ITPKB: variants seen among roughly 807,000 people sequenced by gnomAD.
ITPKB encodes the protein inositol-trisphosphate 3-kinase B.
ITPKB carries 13 observed loss-of-function variants against 69.4 expected under a neutral mutation model. The ratio of observed to expected loss-of-function variants is 0.19; its 90% CI spans 0.12 to 0.30. ITPKB has a LOEUF of 0.30. Among genes scored for constraint, ITPKB ranks in the 10% least tolerant of loss-of-function variants. The probability of loss-of-function intolerance (pLI) is 1.00; values close to 1 mark genes in which losing one functional copy is unlikely to be tolerated. For synonymous variants in ITPKB, 584 were observed against 513.7 expected, an observed-to-expected ratio of 1.14 and a Z score of -1.85; for missense variants, 1,240 against 1,250.5, an observed-to-expected ratio of 0.99 and a Z score of 0.13.
intron 7 of ITPKB, among the ~76,000 whole-genome samples, chr1:226,636,795 A>AGT (rs1668849264): frequency 8.8e-6 from 1 of 113,954 alleles, no homozygotes; most frequent in Non-Finnish European, 1.8e-5. Flanking sequence ...TGTGTGTGTG[A>AGT]GACTGGGAAA....
chr1:226,737,007 T>C lies in ITPKB; in HGVS notation c.452A>G (p.Glu151Gly). 1 of 1,612,810 alleles carries C rather than the reference T, an allele frequency of 6.2e-7. No homozygotes were observed. The highest frequency in any genetic ancestry group is 8.5e-7 in the Non-Finnish European group (1 of 1,179,930). Residue 151 changes from glutamate (E) to glycine (G), a missense_variant, in exon 2 of 8, where the codon GAG becomes GGG. Glu to Gly is a moderately conservative substitution (Grantham distance 98). Around this residue, in one of 2 missense-constraint regions of ITPKB, gnomAD observed 992 missense variants for 853.8 expected, o/e 1.16. Coordinates refer to ENST00000429204, the MANE Select transcript of ITPKB (RefSeq NM_002221.4). ...VQVNQKVGMF[E>G]AHIQAQSSAI... ...GGAGCTCTGTGCCTGGATGTGCGCC[T>C]CAAACATGCCCACTTTCTGGTTCAC...
intron 2 of ITPKB, among the ~76,000 whole-genome samples, chr1:226,674,302 C>T (rs544945201): frequency 1.7e-4 from 26 of 152,266 alleles, no homozygotes; most frequent in South Asian, 1.0e-3. Flanking sequence ...CAGGTTCAAA[C>T]CAATCTCCTG....
In ITPKB at chr1:226,642,089, C is replaced by T. The variant is rs1158495001; in HGVS notation, c.2283G>A (p.Lys761=). 1.2e-6 allele frequency: 2 copies of T among 1,614,114 alleles called. No homozygotes were observed. Among genetic ancestry groups the T allele is most frequent in the Non-Finnish European group, 8.5e-7 (1 of 1,180,018 alleles). The change falls in exon 5 of 8, where the codon AAG becomes AAA. Residue 761 remains lysine (K), a synonymous_variant. Transcript: ENST00000429204. This position sits in a 1 kb window ranked among gnomAD's most constrained non-coding sequence, Gnocchi z 6.4. ...ACATGTCCTTCCGCAGGCTGGGCTT[C>T]TTCCGGGCCTTCGTGAGCTCCTCCT... The part of the protein sequence containing the change: ...YLEEELTKAR[K]KPSLRKDMYQ...
intron 2 of ITPKB, among the ~76,000 whole-genome samples, chr1:226,685,169 C>A (rs952235947): frequency 6.6e-6 from 1 of 152,212 alleles, no homozygotes; most frequent in Non-Finnish European, 1.5e-5. Flanking sequence ...TTCAGAGCTA[C>A]CTCCCTACAC....
chr1:226,711,492 T>C (rs1051801441), intron 2 of ITPKB, among the ~76,000 whole-genome samples: 2 of 149,206 alleles, frequency 1.3e-5, no homozygotes, highest in African/African-American at 2.5e-5. Flanking sequence ...CAATGGCAAA[T>C]AGTGCTCCAA....
chr1:226,648,638 C>G, intron 3 of ITPKB, 34 bp downstream of exon 3: 1 of 1,340,192 alleles, frequency 7.5e-7, no homozygotes, highest in Non-Finnish European at 1.1e-6. Context: ...GGGCTGAGCA[C>G]CATGCTGGGA....
chr1:226,687,978 A>C (rs1463060925), intron 2 of ITPKB, among the ~76,000 whole-genome samples: 1 of 152,192 alleles, frequency 6.6e-6, no homozygotes, highest in Non-Finnish European at 1.5e-5. Context: ...GAGTGTCTGT[A>C]ACAACTATTT....
rs1462576860 is a variant in ITPKB at position 226,641,414 on chromosome 1, G to A, written c.2451+507C>T. ...TAAAGTTTGTCATGTTGTTTCTTTG[G>A]AGCTTATGTTTCTATTTCTGTTCCA... On this transcript the variant is annotated intron_variant, in intron 5 of 7. Coordinates refer to ENST00000429204, the MANE Select transcript of ITPKB (RefSeq NM_002221.4). This position sits in a 1 kb window ranked among gnomAD's most constrained non-coding sequence, Gnocchi z 4.6. 1.3e-5 allele frequency among the ~76,000 whole-genome samples: 2 copies of A among 152,164 alleles called. No homozygotes were observed. Among genetic ancestry groups the A allele is most frequent in the South Asian group, 4.1e-4 (2 of 4,824 alleles).
chr1:226,663,245 C>T (rs1669434858), intron 2 of ITPKB, among the ~76,000 whole-genome samples: 1 of 152,188 alleles, frequency 6.6e-6, no homozygotes, highest in Admixed American at 6.5e-5. Context: ...TAGCACTTTC[C>T]CCACGTGACA....
rs970500852 is a variant in ITPKB, at chr1:226,641,099, C to T, written c.2451+822G>A. On this transcript the variant is annotated intron_variant, in intron 5 of 7. Coordinates refer to ENST00000429204, the MANE Select transcript of ITPKB (RefSeq NM_002221.4). The surrounding 1 kb of genome is among the most constrained non-coding windows in gnomAD (Gnocchi z 4.6). ...CCTGAGGGGCCGGCGCCCCAAAGCC[C>T]GGCTCTTGCAAATTTAACAGCAAGG... Among the ~76,000 whole-genome samples, 1 of 152,208 alleles carries T rather than the reference C, an allele frequency of 6.6e-6. No homozygotes were observed. The highest frequency in any genetic ancestry group is 1.5e-5 in the Non-Finnish European group (1 of 68,042).
chr1:226,634,316 G>A lies in ITPKB; in HGVS notation c.*355C>T, dbSNP rs747057105. On this transcript the variant is annotated 3_prime_UTR_variant, in exon 8 of 8. Transcript: ENST00000429204. The surrounding 1 kb of genome is among the most constrained non-coding windows in gnomAD (Gnocchi z 6.3). ...GGCCGCCAGGGGGCAGCAGGCCTCCGCAGGTGGTAGGTCCAGGCTGGTGCT... is the reference window on the plus strand; with the variant it reads ...GGCCGCCAGGGGGCAGCAGGCCTCCACAGGTGGTAGGTCCAGGCTGGTGCT... 29 of 212,138 alleles carry A rather than the reference G, an allele frequency of 1.4e-4. No homozygotes were observed. The highest frequency in any genetic ancestry group is 1.3e-4 in the Non-Finnish European group (14 of 105,184). 13.1% of individuals were successfully genotyped at this position (212,138 alleles called of 1,614,324 possible).
intron 2 of ITPKB, among the ~76,000 whole-genome samples, chr1:226,663,131 G>A (rs1237514411): frequency 6.6e-6 from 1 of 152,254 alleles, no homozygotes; most frequent in Admixed American, 6.5e-5. Flanking sequence ...TCATCTTGAC[G>A]GTATGTGTGA....
In ITPKB at chr1:226,702,399, GA is replaced by G. The variant is rs397714660; in HGVS notation, c.1932+33127del. On this transcript the variant is annotated intron_variant, in intron 2 of 7. Transcript: ENST00000429204. ...GGCGACACAGTGAGACTCCCTCTCG[GA>G]AAAAAAAAAAAAAAGGGAAAGTTCA... 1.9e-3 allele frequency among the ~76,000 whole-genome samples: 264 copies of G among 136,786 alleles called. 1 individual carries two copies. The highest frequency in any genetic ancestry group is 7.5e-3 in the Middle Eastern group (2 of 268). The allele number at this position is 136,786 out of a possible 152,430, so 89.7% of individuals were successfully genotyped here.
chr1:226,737,621 G>T lies in ITPKB; in HGVS notation c.-163C>A. 2 of 1,130,414 alleles carry T rather than the reference G, an allele frequency of 1.8e-6. No individual in the cohort carries two copies. Among genetic ancestry groups the T allele is most frequent in the Non-Finnish European group, 2.2e-6 (2 of 924,332 alleles). The allele number at this position is 1,130,414 out of a possible 1,614,324, so 70.0% of individuals were successfully genotyped here. A position where few individuals can be genotyped will look rare whatever the true frequency, so the allele number is the denominator to read the frequency against. On this transcript the variant is annotated 5_prime_UTR_variant, in exon 2 of 8. Coordinates refer to ENST00000429204, the MANE Select transcript of ITPKB (RefSeq NM_002221.4). ...TGGGCAGCGGGCTGGGGGCACGACCGCGGGCTCAGCCCCCGCCCAAAGCTC... is the reference window on the plus strand; with the variant it reads ...TGGGCAGCGGGCTGGGGGCACGACCTCGGGCTCAGCCCCCGCCCAAAGCTC...
intron 2 of ITPKB, among the ~76,000 whole-genome samples, chr1:226,708,239 CATT>C (rs1158947240): frequency 1.3e-5 from 2 of 152,182 alleles, no homozygotes; most frequent in Non-Finnish European, 2.9e-5. Context: ...TCGTGGTTAT[CATT>C]ATTTAGTCAT....
At chr1:226,714,493 T>C (rs1026727430) in intron 2 of ITPKB, among the ~76,000 whole-genome samples, 1 of 152,206 alleles carries the variant, frequency 6.6e-6, no homozygotes, top group Admixed American at 6.5e-5. Flanking sequence ...GGCTTGCTGT[T>C]TGAACAGAGG....
Position 226,736,068 on chromosome 1 carries a change from C to G in ITPKB, c.1391G>C (p.Gly464Ala), listed in dbSNP as rs773407407. The change falls in exon 2 of 8, where the codon GGG becomes GCG. Residue 464 changes from glycine (G) to alanine (A), a missense_variant. This residue lies in a region of ITPKB where 992 missense variants were observed against 853.8 expected (regional missense o/e 1.16). Transcript: ENST00000429204. ...GGSPSAQPGT[G>A]NVEAGIPSGR... is the part of the protein sequence containing the mutation. ...AGAAGGAATTCCCGCCTCCACATTC[C>G]CGGTCCCCGGCTGTGCTGAGGGGCT... The G allele has an allele frequency of 6.2e-7, 1 of 1,612,974 alleles. No homozygotes were observed. The highest frequency in any genetic ancestry group is 1.1e-5 in the South Asian group (1 of 91,072).
chr1:226,641,249 T>C lies in ITPKB; in HGVS notation c.2451+672A>G, dbSNP rs1387057064. On this transcript the variant is annotated intron_variant, in intron 5 of 7. Coordinates refer to ENST00000429204, the MANE Select transcript of ITPKB (RefSeq NM_002221.4). The surrounding 1 kb of genome is among the most constrained non-coding windows in gnomAD (Gnocchi z 4.6). ...TGAACATAATCATGTATAGGAAGCTTCTGTGTGCCCATAGCCAGAGCTAAG... is the reference window on the plus strand; with the variant it reads ...TGAACATAATCATGTATAGGAAGCTCCTGTGTGCCCATAGCCAGAGCTAAG... Among the ~76,000 whole-genome samples, 2 of 152,214 alleles carry C rather than the reference T, an allele frequency of 1.3e-5. No individual in the cohort carries two copies. The highest frequency in any genetic ancestry group is 4.8e-5 in the African/African-American group (2 of 41,456).
At chr1:226,644,055 G>T (rs1006719435) in intron 4 of ITPKB, among the ~76,000 whole-genome samples, 2 of 152,252 alleles carry the variant, frequency 1.3e-5, no homozygotes, top group Non-Finnish European at 2.9e-5. Context: ...CATGGTGGGT[G>T]GCTGCACTTC....
Sources: allele counts gnomAD v4.1 joint callset (sites outside exome capture counted in the v4.1 genomes callset), GRCh38; gene constraint gnomAD v4.1.1; regional missense constraint gnomAD v4.1.1; non-coding constraint Gnocchi (gnomAD v3.1); transcripts MANE v1.5; gene names NCBI Gene and HGNC (gene_info 2026-07-23, HGNC 2026-07-21).